Variants in NSMCE2 observed in about 807,000 individuals in gnomAD.
NSMCE2 encodes E3 SUMO-protein ligase NSE2.
NSMCE2 carries 24 observed loss-of-function variants against 23.8 expected under a neutral mutation model. The observed-to-expected ratio is 1.01, with a 90% CI of 0.73 to 1.42. NSMCE2 has a LOEUF of 1.42. NSMCE2 is among the 40% of genes most tolerant of loss of function. The probability of loss-of-function intolerance (pLI) is 0.00; values close to 1 mark genes in which losing one functional copy is unlikely to be tolerated. For missense variants in NSMCE2, 284 were observed against 296.5 expected (o/e 0.96, Z 0.31); for synonymous variants, 92 against 94.1 (o/e 0.98, Z 0.13).
chr8:125,202,253 C>G (rs1455450350), intron 5 of NSMCE2, among the ~76,000 whole-genome samples: 1 of 152,246 alleles, frequency 6.6e-6, no homozygotes, highest in South Asian at 2.1e-4. Flanking sequence ...TGAGATGAAC[C>G]AGGAACCTCA....
chr8:125,257,126 A>G (rs1293839326), intron 5 of NSMCE2, among the ~76,000 whole-genome samples: 1 of 149,626 alleles, frequency 6.7e-6, no homozygotes, highest in Non-Finnish European at 1.5e-5. Flanking sequence ...TCTACTAAAA[A>G]TACAAAAATT....
intron 5 of NSMCE2, among the ~76,000 whole-genome samples, chr8:125,332,464 C>CA (rs1223445201): frequency 6.6e-6 from 1 of 152,170 alleles, no homozygotes; most frequent in East Asian, 1.9e-4. Context: ...GTACTCGCAT[C>CA]AGAGTTGTAT....
intron 3 of NSMCE2, among the ~76,000 whole-genome samples, chr8:125,116,579 T>C (rs1026903719): frequency 2.0e-5 from 3 of 152,182 alleles, no homozygotes; most frequent in Admixed American, 2.0e-4. Context: ...TGCGTGTGTG[T>C]GTGCGTATAT....
intron 5 of NSMCE2, among the ~76,000 whole-genome samples, chr8:125,295,310 A>G (rs1392359029): frequency 6.6e-6 from 1 of 152,164 alleles, no homozygotes. Context: ...GGAAGGTGAC[A>G]GAGTTTCACC....
rs376020030 is a variant in NSMCE2 at position 125,358,428 on chromosome 8, A to T, written c.626+610A>T. Among the ~76,000 whole-genome samples, 17 of 150,500 alleles carry T rather than the reference A, an allele frequency of 1.1e-4. No homozygotes were observed. The East Asian group carries it at 2.7e-3, about 24-fold the overall frequency. On this transcript the variant is annotated intron_variant, in intron 7 of 7. Coordinates refer to ENST00000287437, the MANE Select transcript of NSMCE2 (RefSeq NM_173685.4). ...TTTTGCAGAATCTTTATAAATAGAC[A>T]TAATATATATTATATGTTATATATT...
intron 5 of NSMCE2, among the ~76,000 whole-genome samples, chr8:125,277,766 G>A (rs1197419415): frequency 2.0e-5 from 3 of 152,072 alleles, no homozygotes; most frequent in Non-Finnish European, 2.9e-5. Context: ...CACCTGCCTC[G>A]GCCTCCCAGA....
intron 5 of NSMCE2, among the ~76,000 whole-genome samples, chr8:125,341,223 T>C (rs2131325821): frequency 6.6e-6 from 1 of 152,350 alleles, no homozygotes; most frequent in East Asian, 1.9e-4. Flanking sequence ...CACTACCTAC[T>C]GCAAGACCCA....
rs756816675 is a variant in NSMCE2 at position 125,219,459 on chromosome 8, ACTG to A, written c.418+37221_418+37223del. 6.6e-5 allele frequency among the ~76,000 whole-genome samples: 10 copies of A among 152,222 alleles called. No homozygotes were observed. In the East Asian group the frequency reaches 1.7e-3, roughly 26 times the overall value. ...AAGTGTGATTCACTCTGAGTCATTT[ACTG>A]CTGCTGCTGCTGCTGCTATACTGCC... On this transcript the variant is annotated intron_variant, in intron 5 of 7. Coordinates refer to ENST00000287437, the MANE Select transcript of NSMCE2 (RefSeq NM_173685.4).
chr8:125,215,012 C>CTTTATTTTAT (rs760354733), intron 5 of NSMCE2, among the ~76,000 whole-genome samples: 2 of 131,986 alleles, frequency 1.5e-5, no homozygotes, highest in Non-Finnish European at 3.0e-5. Context: ...TTGGTAACCA[C>CTTTATTTTAT]TTTATTTTAT....
chr8:125,357,832 G>T lies in NSMCE2; in HGVS notation c.626+14G>T, dbSNP rs200393339. 6.3e-5 allele frequency: 100 copies of T among 1,582,302 alleles called. No individual in the cohort carries two copies. The East Asian group carries it at 2.0e-3, about 32-fold the overall frequency. Reference sequence around the variant, plus strand: ...GAAAAAGGCCTAGTGAGTGGACGCAGGGAAGGAAGTGGAGCCTTCCCTAGT... The same window carrying T: ...GAAAAAGGCCTAGTGAGTGGACGCATGGAAGGAAGTGGAGCCTTCCCTAGT... On this transcript the variant is annotated intron_variant, in intron 7 of 7. Transcript: ENST00000287437.
chr8:125,179,671 G>C (rs1822697951), intron 4 of NSMCE2, among the ~76,000 whole-genome samples: 1 of 152,158 alleles, frequency 6.6e-6, no homozygotes, highest in Non-Finnish European at 1.5e-5. Flanking sequence ...AAAAGTTCTG[G>C]TTATGGGGGG....
intron 5 of NSMCE2, among the ~76,000 whole-genome samples, chr8:125,340,392 A>G (rs7010333): frequency 0.78 from 118,096 of 152,092 alleles, 45,926 homozygotes; most frequent in Admixed American, 0.83. Flanking sequence ...GGCCGTCTTT[A>G]TATTACTTCT....
At chr8:125,355,273 G>A (rs931477204) in intron 5 of NSMCE2, among the ~76,000 whole-genome samples, 2 of 152,118 alleles carry the variant, frequency 1.3e-5, no homozygotes, top group Admixed American at 1.3e-4. Context: ...CTCACACATT[G>A]AGGAAAGCCA....
intron 5 of NSMCE2, among the ~76,000 whole-genome samples, chr8:125,240,202 T>A (rs1344378471): frequency 6.6e-6 from 1 of 151,848 alleles, no homozygotes; most frequent in Non-Finnish European, 1.5e-5. Flanking sequence ...TTGGCTCACT[T>A]CAACCTCCTC....
At chr8:125,326,391 TTA>T (rs1829665884) in intron 5 of NSMCE2, among the ~76,000 whole-genome samples, 1 of 152,138 alleles carries the variant, frequency 6.6e-6, no homozygotes, top group Admixed American at 6.6e-5. Context: ...AAAATAGGCA[TTA>T]TATATATGTG....
intron 1 of NSMCE2, among the ~76,000 whole-genome samples, chr8:125,093,736 A>G (rs1021182653): frequency 6.6e-6 from 1 of 151,654 alleles, no homozygotes; most frequent in Non-Finnish European, 1.5e-5. Context: ...AAATAAATAA[A>G]TAAATAGAAA....
At chr8:125,242,297 A>G (rs1378755642) in intron 5 of NSMCE2, among the ~76,000 whole-genome samples, 1 of 152,110 alleles carries the variant, frequency 6.6e-6, no homozygotes, top group Non-Finnish European at 1.5e-5. Flanking sequence ...ATCCCGTAGA[A>G]TCAAAGGGAA....
At chr8:125,290,195 A>G (rs1044611495) in intron 5 of NSMCE2, among the ~76,000 whole-genome samples, 3 of 152,212 alleles carry the variant, frequency 2.0e-5, no homozygotes, top group African/African-American at 7.2e-5. Context: ...CCCATGTCTT[A>G]TGCTACGAAA....
intron 5 of NSMCE2, among the ~76,000 whole-genome samples, chr8:125,250,490 T>C (rs1189013278): frequency 6.6e-6 from 1 of 152,234 alleles, no homozygotes; most frequent in Non-Finnish European, 1.5e-5. Context: ...GTTTCCTTAC[T>C]GTAAGTAAAC....
Sources: allele counts gnomAD v4.1 joint callset (sites outside exome capture counted in the v4.1 genomes callset), GRCh38; gene constraint gnomAD v4.1.1; transcripts MANE v1.5; gene names NCBI Gene and HGNC (gene_info 2026-07-23, HGNC 2026-07-21).